TERT: variants seen among roughly 807,000 people sequenced by gnomAD.
The protein encoded by TERT is telomerase reverse transcriptase, also known as telomerase catalytic subunit.
In TERT, 42 loss-of-function variants were observed where a neutral mutation model predicts 104.0. The ratio of observed to expected loss-of-function variants is 0.40; its 90% CI spans 0.32 to 0.52. The LOEUF is 0.52. Among genes scored for constraint, TERT ranks in the 20% least tolerant of loss-of-function variants. TERT has a pLI of 0.43. For missense variants in TERT, 1,101 were observed against 1,610.3 expected, an observed-to-expected ratio of 0.68 and a Z score of 5.41; for synonymous variants, 781 against 725.6, an observed-to-expected ratio of 1.08 and a Z score of -1.23.
Position 1,294,609 on chromosome 5 carries a change from C to T in TERT, c.277G>A (p.Ala93Thr). 6.3e-7 allele frequency: 1 copy of T among 1,595,368 alleles called. No individual in the cohort carries two copies. The part of the protein sequence containing the change: ...RVLQRLCERG[A>T]KNVLAFGFAL... ...AAGCCGAAGGCCAGCACGTTCTTCG[C>T]GCCGCGCTCGCACAGCCTCTGCAGC... is the stretch of plus-strand genomic sequence containing the variant. The change falls in exon 2 of 16, where the codon GCG becomes ACG. Residue 93 changes from alanine (A) to threonine (T), a missense_variant. Physicochemically the swap from Ala to Thr is moderately conservative, Grantham distance 58. Coordinates refer to ENST00000310581, the MANE Select transcript of TERT (RefSeq NM_198253.3).
At chr5:1,282,735 T>G in intron 2 of TERT, 111 bp from the exon 3 acceptor site, 1 of 1,115,522 alleles carries the variant, frequency 9.0e-7, no homozygotes, top group South Asian at 1.3e-5. Context: ...CCTGGCGACC[T>G]CACCCCAGAC....
chr5:1,257,927 G>A lies in TERT; in HGVS notation c.3032+671C>T, dbSNP rs549200606. 2.3e-4 allele frequency among the ~76,000 whole-genome samples: 35 copies of A among 152,292 alleles called. No homozygotes were observed. Among genetic ancestry groups the A allele is most frequent in the East Asian group, 1.6e-3 (8 of 5,158 alleles). Reference sequence around the variant, plus strand: ...GTGGAGGCCCGGGCCTGTGGTGCCCGACTGCCCTTTGGTACAGCCCCGAGG... The same window carrying A: ...GTGGAGGCCCGGGCCTGTGGTGCCCAACTGCCCTTTGGTACAGCCCCGAGG... On this transcript the variant is annotated intron_variant, in intron 13 of 15. Coordinates refer to ENST00000310581, the MANE Select transcript of TERT (RefSeq NM_198253.3). This position sits in a 1 kb window ranked among gnomAD's most constrained non-coding sequence, Gnocchi z 5.6.
rs199701877 is a variant in TERT, at chr5:1,294,048, C to T, written c.838G>A (p.Glu280Lys). The change falls in exon 2 of 16, where the codon GAA becomes AAA. Residue 280 changes from glutamate to lysine, a missense_variant. Coordinates refer to ENST00000310581, the MANE Select transcript of TERT (RefSeq NM_198253.3). The stretch of plus-strand genomic sequence containing the variant: ...GCACCCTCCAAAGAGGTGGCTTCTT[C>T]GGCGGGTCTGGCAGGTGACACCACA... ...FCVVSPARPAEEATSLEGALS... is the reference protein window; with the variant it reads ...FCVVSPARPAKEATSLEGALS... The T allele has an allele frequency of 1.3e-4, 209 of 1,592,554 alleles. 1 individual carries two copies. In the East Asian group the frequency reaches 2.9e-3, roughly 22 times the overall value.
At chr5:1,290,512 A>G (rs773854543) in intron 2 of TERT, among the ~76,000 whole-genome samples, 8,569 of 16,306 alleles carry the variant, frequency 0.53, 2,515 homozygotes, top group East Asian at 0.58. Context: ...ACCCGGGGAC[A>G]GCGCCTCACT....
chr5:1,282,679 C>T lies in TERT; in HGVS notation c.1574-55G>A, dbSNP rs1232874462. 106 of 1,579,356 alleles carry T rather than the reference C, an allele frequency of 6.7e-5. 1 individual carries two copies. Among genetic ancestry groups the T allele is most frequent in the Middle Eastern group, 1.9e-4 (1 of 5,240 alleles). Reference sequence around the variant, plus strand: ...ATCACCGAGGGCCTGGTGACCTCACCCCGGACCTGCACCATCCGGACACCG... The same window carrying T: ...ATCACCGAGGGCCTGGTGACCTCACTCCGGACCTGCACCATCCGGACACCG... On this transcript the variant is annotated intron_variant, in intron 2 of 15. Transcript: ENST00000310581.
At chr5:1,260,791 T>A (rs1465869572) in intron 11 of TERT, among the ~76,000 whole-genome samples, 191 bp from the exon 12 acceptor site, 1 of 152,252 alleles carries the variant, frequency 6.6e-6, no homozygotes, top group Non-Finnish European at 1.5e-5. Flanking sequence ...AGACTCTGCA[T>A]GACCAAACTC....
rs1751171784 is a variant in TERT at position 1,293,875 on chromosome 5, G to C, written c.1011C>G (p.Asp337Glu). Residue 337 changes from aspartate (D) to glutamate (E), a missense_variant, in exon 2 of 16, where the codon GAC becomes GAG. Coordinates refer to ENST00000310581, the MANE Select transcript of TERT (RefSeq NM_198253.3). ...GGAAGGAGGGCCGCAGCTGCTCCTT[G>C]TCGCCTGAGGAGTAGAGGAAGTGCT... is the stretch of plus-strand genomic sequence containing the variant. ...ETKHFLYSSG[D>E]KEQLRPSFLL... The C allele has an allele frequency of 6.5e-7, 1 of 1,544,380 alleles. No individual in the cohort carries two copies. Among genetic ancestry groups the C allele is most frequent in the Non-Finnish European group, 8.7e-7 (1 of 1,146,966 alleles).
At chr5:1,284,966 C>T (rs1438226425) in intron 2 of TERT, among the ~76,000 whole-genome samples, 1 of 150,966 alleles carries the variant, frequency 6.6e-6, no homozygotes, top group Admixed American at 6.6e-5. Flanking sequence ...CTGCACCATC[C>T]AGACACCACA....
rs558016416 is a variant in TERT at position 1,267,447 on chromosome 5, C to T, written c.2583-912G>A. Among the ~76,000 whole-genome samples the T allele has an allele frequency of 3.3e-5, 5 of 152,328 alleles. No homozygotes were observed. The East Asian group carries it at 7.7e-4, about 23-fold the overall frequency. Reference sequence around the variant, plus strand: ...GTGGTGATTCCTCAAGGATCTAGAACTAGAAATACCATTTGACCCAGCCAT... The same window carrying T: ...GTGGTGATTCCTCAAGGATCTAGAATTAGAAATACCATTTGACCCAGCCAT... On this transcript the variant is annotated intron_variant, in intron 9 of 15. Coordinates refer to ENST00000310581, the MANE Select transcript of TERT (RefSeq NM_198253.3).
chr5:1,277,550 C>T (rs1035273527), intron 6 of TERT, among the ~76,000 whole-genome samples: 2 of 144,270 alleles, frequency 1.4e-5, no homozygotes, highest in Non-Finnish European at 1.5e-5. Context: ...CCATGGAGGT[C>T]GAGGTCGGAA....
chr5:1,266,627 G>T, intron 9 of TERT, 92 bp from the exon 10 acceptor site: 2 of 1,058,556 alleles, frequency 1.9e-6, no homozygotes, highest in Non-Finnish European at 2.9e-6. Flanking sequence ...AATTTACACA[G>T]CCATAAATAA....
rs376994291 is a variant in TERT at position 1,254,358 on chromosome 5, C to T, written c.3295+10G>A. 9 of 1,612,826 alleles carry T rather than the reference C, an allele frequency of 5.6e-6. No homozygotes were observed. Among genetic ancestry groups the T allele is most frequent in the Non-Finnish European group, 7.6e-6 (9 of 1,179,900 alleles). On this transcript the variant is annotated intron_variant, in intron 15 of 15. Coordinates refer to ENST00000310581, the MANE Select transcript of TERT (RefSeq NM_198253.3). ...AGGTGGGGCCCGCACTGGCCTCCACCCACACTTGCCTGTCCTGAGTGACCC... is the reference window on the plus strand; with the variant it reads ...AGGTGGGGCCCGCACTGGCCTCCACTCACACTTGCCTGTCCTGAGTGACCC...
rs547712340 is a variant in TERT at position 1,286,068 on chromosome 5, C to T, written c.1574-3444G>A. ...ACACCGCGGAGCCACCAGACCCCGA[C>T]ATGCCTGGGGTTTTCCAGGCTGAAC... On this transcript the variant is annotated intron_variant, in intron 2 of 15. Transcript: ENST00000310581. The surrounding 1 kb of genome is among the most constrained non-coding windows in gnomAD (Gnocchi z 5.3). 3.2e-4 allele frequency among the ~76,000 whole-genome samples: 48 copies of T among 152,144 alleles called. No individual in the cohort carries two copies. Among genetic ancestry groups the T allele is most frequent in the Non-Finnish European group, 5.4e-4 (37 of 68,038 alleles).
rs1193227022 is a variant in TERT at position 1,257,853 on chromosome 5, C to T, written c.3032+745G>A. Among the ~76,000 whole-genome samples the T allele has an allele frequency of 6.6e-6, 1 of 152,208 alleles. No homozygotes were observed. The highest frequency in any genetic ancestry group is 2.4e-5 in the African/African-American group (1 of 41,448). On this transcript the variant is annotated intron_variant, in intron 13 of 15. Transcript: ENST00000310581. The surrounding 1 kb of genome is among the most constrained non-coding windows in gnomAD (Gnocchi z 5.6). Reference sequence around the variant, plus strand: ...CTTCTCAGCCCTCATGGGGCGAGGGCTTCGGCCTCCTGGCATTCAGCTCCC... The same window carrying T: ...CTTCTCAGCCCTCATGGGGCGAGGGTTTCGGCCTCCTGGCATTCAGCTCCC...
intron 2 of TERT, among the ~76,000 whole-genome samples, chr5:1,285,903 T>C (rs1750451121): frequency 6.6e-6 from 1 of 151,984 alleles, no homozygotes; most frequent in Non-Finnish European, 1.5e-5. Context: ...GCTCACGTCA[T>C]GCTCCTGTTG....
Position 1,270,535 on chromosome 5 carries a change from A to G in TERT, c.2468+584T>C, listed in dbSNP as rs917945458. ...CTACCACCGTGAGTGTGGCTCACCC[A>G]GTGGCTGTGTGACGGCAGCTCTCCC... On this transcript the variant is annotated intron_variant, in intron 8 of 15. Coordinates refer to ENST00000310581, the MANE Select transcript of TERT (RefSeq NM_198253.3). This position sits in a 1 kb window ranked among gnomAD's most constrained non-coding sequence, Gnocchi z 8.3. Among the ~76,000 whole-genome samples the G allele has an allele frequency of 1.3e-5, 2 of 152,178 alleles. No homozygotes were observed. The highest frequency in any genetic ancestry group is 2.9e-5 in the Non-Finnish European group (2 of 68,016).
chr5:1,269,055 C>A lies in TERT; in HGVS notation c.2469-422G>T, dbSNP rs973129356. ...AGCCGCTGCGCGCCAACGGATACAACCTTGCCCCTAGTTTCAGCATGACCA... is the reference window on the plus strand; with the variant it reads ...AGCCGCTGCGCGCCAACGGATACAAACTTGCCCCTAGTTTCAGCATGACCA... On this transcript the variant is annotated intron_variant, in intron 8 of 15. Coordinates refer to ENST00000310581, the MANE Select transcript of TERT (RefSeq NM_198253.3). The surrounding 1 kb of genome is among the most constrained non-coding windows in gnomAD (Gnocchi z 9.0). Among the ~76,000 whole-genome samples the A allele has an allele frequency of 5.9e-5, 9 of 151,958 alleles. No individual in the cohort carries two copies. Among genetic ancestry groups the A allele is most frequent in the Admixed American group, 3.3e-4 (5 of 15,256 alleles).
chr5:1,292,912 G>A lies in TERT; in HGVS notation c.1573+401C>T, dbSNP rs1448908399. Among the ~76,000 whole-genome samples, 1 of 152,166 alleles carries A rather than the reference G, an allele frequency of 6.6e-6. No individual in the cohort carries two copies. The highest frequency in any genetic ancestry group is 6.5e-5 in the Admixed American group (1 of 15,282). On this transcript the variant is annotated intron_variant, in intron 2 of 15. Coordinates refer to ENST00000310581, the MANE Select transcript of TERT (RefSeq NM_198253.3). This position sits in a 1 kb window ranked among gnomAD's most constrained non-coding sequence, Gnocchi z 5.5. ...CCACCCCCAGGAAGAGGGGGTTCTC[G>A]TCCCCACCTCTCATTCCCACCCTTG...
At position 1,292,639 on chromosome 5, in the gene TERT, A is replaced by G. The variant is rs1461587412; in HGVS notation, c.1573+674T>C. On this transcript the variant is annotated intron_variant, in intron 2 of 15. Coordinates refer to ENST00000310581, the MANE Select transcript of TERT (RefSeq NM_198253.3). The surrounding 1 kb of genome is among the most constrained non-coding windows in gnomAD (Gnocchi z 5.5). ...GTGATTCTCCTGCCTCAGCCTCCCA[A>G]GTAGCTGGGATTACAGGCACACACC... Among the ~76,000 whole-genome samples, 1 of 152,076 alleles carries G rather than the reference A, an allele frequency of 6.6e-6. No homozygotes were observed. The highest frequency in any genetic ancestry group is 2.4e-5 in the African/African-American group (1 of 41,392).
Sources: gnomAD v4.1 joint callset for allele counts (sites outside exome capture counted in the v4.1 genomes callset) on GRCh38, gnomAD v4.1.1 for gene constraint, Gnocchi (gnomAD v3.1) non-coding constraint, MANE v1.5 for transcripts, NCBI Gene and HGNC (gene_info 2026-07-23, HGNC 2026-07-21) for gene names.